The following MIPOL1 variants were observed in gnomAD, a reference collection of about 807,000 sequenced individuals.
MIPOL1 encodes the protein mirror-image polydactyly 1.
MIPOL1 carries 57 observed loss-of-function variants against 60.9 expected under a neutral mutation model. That is an observed-to-expected ratio of 0.94 (90% CI 0.76 to 1.17). The LOEUF (loss-of-function observed/expected upper bound fraction) is 1.17. Ranked by LOEUF, MIPOL1 falls within the 50% of genes most tolerant of loss-of-function variation. The probability of loss-of-function intolerance (pLI) is 0.00; values close to 1 mark genes in which losing one functional copy is unlikely to be tolerated. For synonymous variants in MIPOL1, 179 were observed against 168.8 expected (o/e 1.06, Z -0.47); for missense variants, 551 against 511.6 (o/e 1.08, Z -0.74).
intron 9 of MIPOL1, among the ~76,000 whole-genome samples, chr14:37,340,606 C>T (rs775466204): frequency 2.2e-4 from 33 of 150,736 alleles, no homozygotes; most frequent in South Asian, 4.2e-4. Flanking sequence ...GCTCCTGCCT[C>T]GGGAGGAGCT....
chr14:37,273,784 A>G (rs993616556), intron 6 of MIPOL1, among the ~76,000 whole-genome samples: 2 of 151,454 alleles, frequency 1.3e-5, no homozygotes, highest in African/African-American at 2.4e-5. Flanking sequence ...CTTTGGGTTT[A>G]TCTTCTCCGA....
Position 37,500,117 on chromosome 14 carries a change from T to A in MIPOL1, c.1241T>A (p.Val414Glu), listed in dbSNP as rs2095194285. 2 of 1,606,544 alleles carry A rather than the reference T, an allele frequency of 1.2e-6. No individual in the cohort carries two copies. Among genetic ancestry groups the A allele is most frequent in the Non-Finnish European group, 1.7e-6 (2 of 1,176,824 alleles). The change falls in exon 12 of 13, where the codon GTG becomes GAG. Residue 414 changes from valine (V) to glutamate (E), a missense_variant. By Grantham distance (121) the Val-to-Glu change is moderately radical. Transcript: ENST00000684589. Reference sequence around the variant, plus strand: ...CAACATGCCAGAGAGGCCTCCCAAGTGGCCAATGAAAAAGTTCAAAAGTAA... The same window carrying A: ...CAACATGCCAGAGAGGCCTCCCAAGAGGCCAATGAAAAAGTTCAAAAGTAA... ...QLQHAREASQ[V>E]ANEKVQKLER... is the part of the protein sequence containing the mutation.
chr14:37,349,300 C>T (rs2091179490), intron 9 of MIPOL1, among the ~76,000 whole-genome samples: 1 of 152,070 alleles, frequency 6.6e-6, no homozygotes, highest in Non-Finnish European at 1.5e-5. Flanking sequence ...TGTGTCTATT[C>T]TTAACAGCAG....
intron 12 of MIPOL1, among the ~76,000 whole-genome samples, chr14:37,524,700 G>A (rs1349331044): frequency 6.6e-6 from 1 of 151,100 alleles, no homozygotes; most frequent in East Asian, 1.9e-4. Flanking sequence ...CCGAGTAGCT[G>A]GGATTACAGG....
chr14:37,394,595 C>T (rs2093335911), intron 10 of MIPOL1, among the ~76,000 whole-genome samples: 1 of 151,860 alleles, frequency 6.6e-6, no homozygotes, highest in Admixed American at 6.6e-5. Context: ...CCTTAGCCCA[C>T]TTTTTGATGG....
chr14:37,533,078 A>G (rs2095489174), intron 12 of MIPOL1, among the ~76,000 whole-genome samples: 1 of 152,194 alleles, frequency 6.6e-6, no homozygotes, highest in East Asian at 1.9e-4. Context: ...TAAATAAAGT[A>G]TAGTCTATGA....
chr14:37,209,831 G>A (rs1467019457), intron 1 of MIPOL1, among the ~76,000 whole-genome samples: 1 of 151,670 alleles, frequency 6.6e-6, no homozygotes, highest in Admixed American at 6.6e-5. Flanking sequence ...AGCCTCCCAG[G>A]TAGCTGGGAC....
intron 10 of MIPOL1, among the ~76,000 whole-genome samples, chr14:37,387,808 T>C (rs1311831437): frequency 6.6e-6 from 1 of 151,924 alleles, no homozygotes; most frequent in African/African-American, 2.4e-5. Context: ...TTATAAAATA[T>C]TGGGTGTTTT....
intron 9 of MIPOL1, among the ~76,000 whole-genome samples, chr14:37,336,961 C>T (rs568071256): frequency 1.3e-4 from 20 of 151,886 alleles, no homozygotes; most frequent in African/African-American, 4.8e-4. Context: ...GGGGTTTCAC[C>T]ATTGTTGGCC....
intron 11 of MIPOL1, among the ~76,000 whole-genome samples, chr14:37,477,962 T>C (rs922223208): frequency 6.6e-6 from 1 of 152,216 alleles, no homozygotes; most frequent in African/African-American, 2.4e-5. Context: ...AATGTCTAAA[T>C]GGTCTGCAGA....
rs566267930 is a variant in MIPOL1 at position 37,362,776 on chromosome 14, G to A, written c.829-6741G>A. ...AATGTAGATTTGGTCTTTTCACATGGTCCCATATTTCTTGGAGGCTTTGTT... is the reference window on the plus strand; with the variant it reads ...AATGTAGATTTGGTCTTTTCACATGATCCCATATTTCTTGGAGGCTTTGTT... On this transcript the variant is annotated intron_variant, in intron 9 of 12. Transcript: ENST00000684589. Among the ~76,000 whole-genome samples the A allele has an allele frequency of 2.6e-5, 4 of 152,122 alleles. No individual in the cohort carries two copies. The South Asian group carries it at 8.3e-4, about 32-fold the overall frequency.
intron 10 of MIPOL1, among the ~76,000 whole-genome samples, chr14:37,389,892 T>C (rs1238311269): frequency 6.6e-6 from 1 of 151,588 alleles, no homozygotes; most frequent in African/African-American, 2.4e-5. Context: ...GCAGGATGGA[T>C]TTTGCAGCTG....
chr14:37,467,979 G>A (rs1052157787), intron 11 of MIPOL1, among the ~76,000 whole-genome samples: 3 of 151,272 alleles, frequency 2.0e-5, no homozygotes, highest in Non-Finnish European at 4.4e-5. Context: ...ACTTCAACCC[G>A]GCAGGCAGAG....
chr14:37,394,644 G>T (rs190690191), intron 10 of MIPOL1, among the ~76,000 whole-genome samples: 1 of 151,714 alleles, frequency 6.6e-6, no homozygotes, highest in Non-Finnish European at 1.5e-5. Context: ...GTTTGAGCTC[G>T]TTGTAGATTC....
At chr14:37,539,396 A>T (rs2095520775) in intron 12 of MIPOL1, among the ~76,000 whole-genome samples, 1 of 152,150 alleles carries the variant, frequency 6.6e-6, no homozygotes, top group Non-Finnish European at 1.5e-5. Flanking sequence ...TTAGTGGGTG[A>T]GCCTTTTGCC....
chr14:37,546,904 G>A lies in MIPOL1; in HGVS notation c.1263-1G>A, dbSNP rs568271323. On this transcript the variant is annotated splice_acceptor_variant, in intron 12 of 12. Transcript: ENST00000684589. LOFTEE classifies it high-confidence loss of function. ...TCACCCCCATCCCAACCCCAACTTAGGTTGGAAAGGCTGGTGGATGTACTG... is the reference window on the plus strand; with the variant it reads ...TCACCCCCATCCCAACCCCAACTTAAGTTGGAAAGGCTGGTGGATGTACTG... 8 of 1,613,326 alleles carry A rather than the reference G, an allele frequency of 5.0e-6. No homozygotes were observed. The African/African-American group carries it at 8.0e-5, about 16-fold the overall frequency.
chr14:37,258,666 A>G (rs903869891), intron 3 of MIPOL1, among the ~76,000 whole-genome samples: 1 of 152,130 alleles, frequency 6.6e-6, no homozygotes, highest in South Asian at 2.1e-4. Context: ...ATATTACGCT[A>G]TTATATTGTG....
intron 11 of MIPOL1, among the ~76,000 whole-genome samples, chr14:37,493,942 G>A (rs567283338): frequency 1.4e-4 from 22 of 152,132 alleles, no homozygotes; most frequent in Non-Finnish European, 2.8e-4. Flanking sequence ...CTACTACTAC[G>A]CTGAAAATGC....
intron 11 of MIPOL1, among the ~76,000 whole-genome samples, chr14:37,459,403 C>G (rs1245627574): frequency 6.6e-6 from 1 of 152,114 alleles, no homozygotes; most frequent in Non-Finnish European, 1.5e-5. Flanking sequence ...TGCACACAAA[C>G]TAGAAAACCT....
Sources: allele counts gnomAD v4.1 joint callset (sites outside exome capture counted in the v4.1 genomes callset), GRCh38; gene constraint gnomAD v4.1.1; transcripts MANE v1.5; gene names NCBI Gene and HGNC (gene_info 2026-07-23, HGNC 2026-07-21).